Variants in TULP4 observed in about 807,000 individuals in gnomAD.
The protein encoded by TULP4 is TUB like protein 4.
TULP4 carries 16 observed loss-of-function variants against 129.0 expected under a neutral mutation model. The ratio of observed to expected loss-of-function variants is 0.12; its 90% CI spans 0.08 to 0.19. The LOEUF is 0.19. TULP4 is among the 10% of genes least tolerant of loss of function. TULP4 has a pLI of 1.00. For missense variants in TULP4, 1,842 were observed against 2,059.1 expected, an observed-to-expected ratio of 0.89 and a Z score of 2.04; for synonymous variants, 998 against 854.0, an observed-to-expected ratio of 1.17 and a Z score of -2.94.
At chr6:158,245,654 A>T (rs1338906560) in intron 1 of TULP4, among the ~76,000 whole-genome samples, 1 of 152,250 alleles carries the variant, frequency 6.6e-6, no homozygotes, top group Non-Finnish European at 1.5e-5. Flanking sequence ...AGTAAAGAAT[A>T]GGAAATAACC....
intron 1 of TULP4, among the ~76,000 whole-genome samples, chr6:158,236,790 C>CTTTTTTTTTTTTT (rs1562489169): frequency 6.0e-5 from 2 of 33,110 alleles, no homozygotes. Flanking sequence ...ATGCCCAATT[C>CTTTTTTTTTTTTT]TTTTCTTTTT....
chr6:158,403,766 C>T (rs991462954), intron 1 of TULP4, among the ~76,000 whole-genome samples: 7 of 152,104 alleles, frequency 4.6e-5, no homozygotes, highest in African/African-American at 1.4e-4. Context: ...GTTCCTTTTG[C>T]CTTAGTCACC....
chr6:158,315,383 A>G (rs1779464317), intron 1 of TULP4, among the ~76,000 whole-genome samples: 1 of 152,050 alleles, frequency 6.6e-6, no homozygotes, highest in South Asian at 2.1e-4. Flanking sequence ...TCATGACTTA[A>G]TCACCTCCTA....
intron 2 of TULP4, among the ~76,000 whole-genome samples, chr6:158,423,127 G>A (rs1035211389): frequency 6.6e-6 from 1 of 151,266 alleles, no homozygotes; most frequent in Non-Finnish European, 1.5e-5. Flanking sequence ...AAAAGAGGGG[G>A]GGGGGGGGAA....
At chr6:158,353,440 G>C (rs1424984218) in intron 1 of TULP4, among the ~76,000 whole-genome samples, 2 of 152,144 alleles carry the variant, frequency 1.3e-5, no homozygotes, top group Admixed American at 1.3e-4. Flanking sequence ...TTCAGATCCT[G>C]TAGCTATGTA....
intron 1 of TULP4, among the ~76,000 whole-genome samples, chr6:158,350,158 C>A (rs113261985): frequency 6.7e-6 from 1 of 149,216 alleles, no homozygotes; most frequent in Non-Finnish European, 1.5e-5. Flanking sequence ...TCCTCACTTC[C>A]TCCCAGACGG....
intron 2 of TULP4, among the ~76,000 whole-genome samples, chr6:158,417,533 A>T (rs1012734614): frequency 2.0e-5 from 3 of 152,228 alleles, no homozygotes; most frequent in African/African-American, 7.2e-5. Flanking sequence ...ATCATTAAAC[A>T]GTGGCATTCT....
intron 1 of TULP4, among the ~76,000 whole-genome samples, chr6:158,360,403 A>G (rs9355652): frequency 0.15 from 23,012 of 152,118 alleles, 2,464 homozygotes; most frequent in East Asian, 0.43. Flanking sequence ...TCGAGTGCAC[A>G]TGTCAGTGTC....
upstream of TULP4, among the ~76,000 whole-genome samples, chr6:158,307,789 A>G (rs183253436): frequency 2.8e-4 from 42 of 152,232 alleles, no homozygotes; most frequent in African/African-American, 9.6e-4. Context: ...AATTTCTATC[A>G]TCTTTGTTGG....
chr6:158,494,604 T>C (rs1582878932), intron 10 of TULP4, 149 bp from the exon 11 acceptor site: 1 of 709,644 alleles, frequency 1.4e-6, no homozygotes. Flanking sequence ...GCTTCTGATC[T>C]TGCAAATGGT....
chr6:158,396,143 TGTTA>T (rs1370367370), intron 1 of TULP4, among the ~76,000 whole-genome samples: 2 of 152,222 alleles, frequency 1.3e-5, no homozygotes, highest in African/African-American at 2.4e-5. Context: ...TATGCAATAA[TGTTA>T]GTAGAGAACC....
At chr6:158,308,718 C>G (rs1307477508), upstream of TULP4, among the ~76,000 whole-genome samples, 4 of 147,914 alleles carry the variant, frequency 2.7e-5, no homozygotes, top group Non-Finnish European at 6.0e-5. Context: ...GGCAGAGGCG[C>G]CCCTCACCTC....
intron 1 of TULP4, among the ~76,000 whole-genome samples, chr6:158,290,321 G>T (rs1483439018): frequency 1.3e-5 from 2 of 152,102 alleles, no homozygotes; most frequent in Non-Finnish European, 2.9e-5. Context: ...TCCATTTGTT[G>T]TCTCCTTTTG....
At chr6:158,325,469 T>C (rs200911881) in intron 1 of TULP4, among the ~76,000 whole-genome samples, 2 of 151,398 alleles carry the variant, frequency 1.3e-5, no homozygotes, top group East Asian at 2.0e-4. Flanking sequence ...TCTCCTGCCT[T>C]AGCCTCCCGA....
intron 9 of TULP4, among the ~76,000 whole-genome samples, chr6:158,490,186 A>G (rs1780168981): frequency 1.3e-5 from 2 of 152,288 alleles, no homozygotes; most frequent in South Asian, 4.1e-4. Context: ...TCACGAAGTC[A>G]AGAGATCTGG....
chr6:158,262,543 A>G (rs1778370442), intron 1 of TULP4, among the ~76,000 whole-genome samples: 2 of 152,200 alleles, frequency 1.3e-5, no homozygotes, highest in Non-Finnish European at 2.9e-5. Flanking sequence ...CACAAACTGG[A>G]TAAGGCTCCT....
chr6:158,274,231 C>T (rs1778600332), intron 1 of TULP4, among the ~76,000 whole-genome samples: 1 of 152,000 alleles, frequency 6.6e-6, no homozygotes, highest in African/African-American at 2.4e-5. Context: ...GCACTCCAGC[C>T]TGGGCGACAG....
intron 1 of TULP4, among the ~76,000 whole-genome samples, chr6:158,284,562 T>C (rs1778806440): frequency 6.6e-6 from 1 of 152,258 alleles, no homozygotes; most frequent in African/African-American, 2.4e-5. Context: ...TCTGCTTGAT[T>C]CGTTCATTCC....
At chr6:158,265,037 G>A (rs1309679279) in intron 1 of TULP4, among the ~76,000 whole-genome samples, 2 of 152,174 alleles carry the variant, frequency 1.3e-5, no homozygotes, top group African/African-American at 4.8e-5. Context: ...ATTTAACAGG[G>A]CACACCTTTT....
Sources: gnomAD v4.1 joint callset for allele counts (sites outside exome capture counted in the v4.1 genomes callset) on GRCh38, gnomAD v4.1.1 for gene constraint, MANE v1.5 for transcripts, NCBI Gene and HGNC (gene_info 2026-07-23, HGNC 2026-07-21) for gene names.